Variants in UPK1B observed in about 807,000 individuals in gnomAD.
UPK1B encodes the protein uroplakin 1B.
UPK1B carries 28 observed loss-of-function variants against 34.2 expected under a neutral mutation model. The observed-to-expected ratio is 0.82, with a 90% confidence interval of 0.61 to 1.12. The LOEUF is 1.12. Among genes scored for constraint, UPK1B ranks in the 50% most tolerant of loss-of-function variants. The probability of loss-of-function intolerance (pLI) is 0.00; values close to 1 mark genes in which losing one functional copy is unlikely to be tolerated. For missense variants in UPK1B, 325 were observed against 320.9 expected, an observed-to-expected ratio of 1.01 and a Z score of -0.10; for synonymous variants, 81 against 110.4, an observed-to-expected ratio of 0.73 and a Z score of 1.67.
intron 6 of UPK1B, among the ~76,000 whole-genome samples, chr3:119,195,832 C>CAAA (rs754276624): frequency 2.6e-5 from 4 of 152,198 alleles, no homozygotes; most frequent in Non-Finnish European, 5.9e-5. Flanking sequence ...GTTATGAGGA[C>CAAA]AAACCTGAAG....
In UPK1B at chr3:119,194,360, G is replaced by C; in HGVS notation, c.610G>C (p.Ala204Pro). ...TCTTAAAGAACCTCTCAACCTGGAG[G>C]CTTGTAAACTAGGCGTGCCTGGTTT... Reference protein sequence around the residue: ...NNLKEPLNLEACKLGVPGFYH... With the variant: ...NNLKEPLNLEPCKLGVPGFYH... Residue 204 changes from alanine to proline, a missense_variant, in exon 6 of 8, where the codon GCT becomes CCT. Coordinates refer to ENST00000264234, the MANE Select transcript of UPK1B (RefSeq NM_006952.4). 1 of 1,613,496 alleles carries C rather than the reference G, an allele frequency of 6.2e-7. No homozygotes were observed. Among genetic ancestry groups the C allele is most frequent in the Non-Finnish European group, 8.5e-7 (1 of 1,179,826 alleles).
chr3:119,194,104 A>C, intron 5 of UPK1B, 115 bp from the exon 6 acceptor site: 1 of 1,010,686 alleles, frequency 9.9e-7, no homozygotes, highest in Non-Finnish European at 1.4e-6. Flanking sequence ...TTCTTAGTAA[A>C]TGTAAGATAT....
chr3:119,184,192 A>G lies in UPK1B; in HGVS notation c.-28-2522A>G, dbSNP rs2078003888. On this transcript the variant is annotated intron_variant, in intron 1 of 7. Transcript: ENST00000264234. The stretch of plus-strand genomic sequence containing the variant: ...CCTGCAATTCTCCCATAGAATATTC[A>G]TTTGCTCTTTCCCCTTTGTCTAAAC... Among the ~76,000 whole-genome samples the G allele has an allele frequency of 3.3e-5, 5 of 151,944 alleles. 1 individual carries two copies. Among genetic ancestry groups the G allele is most frequent in the Admixed American group, 3.3e-4 (5 of 15,250 alleles).
chr3:119,187,458 G>A (rs1329569936), intron 2 of UPK1B, among the ~76,000 whole-genome samples: 1 of 152,154 alleles, frequency 6.6e-6, no homozygotes, highest in African/African-American at 2.4e-5. Flanking sequence ...CCAGAAATGT[G>A]GGTCATGACA....
At chr3:119,180,472 G>A (rs532862379) in intron 1 of UPK1B, among the ~76,000 whole-genome samples, 5 of 152,136 alleles carry the variant, frequency 3.3e-5, no homozygotes, top group Non-Finnish European at 5.9e-5. Context: ...ATTAACCAGC[G>A]CAAGGTGTTC....
intron 1 of UPK1B, among the ~76,000 whole-genome samples, chr3:119,179,507 C>CTTTGTTTT (rs2077978207): frequency 1.9e-5 from 1 of 52,256 alleles, no homozygotes; most frequent in African/African-American, 7.0e-5. Context: ...ATGTTGCAGT[C>CTTTGTTTT]TTTTTTTTTT....
At chr3:119,196,418 A>T (rs1341622457) in intron 6 of UPK1B, among the ~76,000 whole-genome samples, 2 of 151,892 alleles carry the variant, frequency 1.3e-5, no homozygotes, top group African/African-American at 4.8e-5. Context: ...ACTATGTATT[A>T]TTTGATTCTA....
intron 3 of UPK1B, among the ~76,000 whole-genome samples, chr3:119,188,976 A>G (rs960718025): frequency 2.0e-5 from 3 of 152,106 alleles, no homozygotes; most frequent in Admixed American, 6.5e-5. Flanking sequence ...AAAAGTACCC[A>G]CTTTTGGTGG....
At chr3:119,195,255 A>G (rs1334185019) in intron 6 of UPK1B, among the ~76,000 whole-genome samples, 1 of 152,234 alleles carries the variant, frequency 6.6e-6, no homozygotes, top group African/African-American at 2.4e-5. Context: ...ACCTCCAGGT[A>G]CTTGTAGTCA....
intron 1 of UPK1B, among the ~76,000 whole-genome samples, chr3:119,177,495 C>G (rs2077962400): frequency 6.6e-6 from 1 of 152,192 alleles, no homozygotes; most frequent in African/African-American, 2.4e-5. Context: ...CTCACCTGTA[C>G]AAAGCCTCCA....
At chr3:119,188,790 G>A (rs188951798) in intron 3 of UPK1B, among the ~76,000 whole-genome samples, 149 of 152,282 alleles carry the variant, frequency 9.8e-4, no homozygotes, top group African/African-American at 3.4e-3. Flanking sequence ...CCCCACCCCT[G>A]AAATAACCCT....
rs1262531411 is a variant in UPK1B, at chr3:119,204,953, T to G, written c.*986T>G. The G allele has an allele frequency of 6.6e-6, 1 of 152,226 alleles. No homozygotes were observed. Among genetic ancestry groups the G allele is most frequent in the Non-Finnish European group, 1.5e-5 (1 of 68,048 alleles). 9.4% of individuals were successfully genotyped at this position (152,226 alleles called of 1,614,324 possible). A position where few individuals can be genotyped will look rare whatever the true frequency, so the allele number is the denominator to read the frequency against. On this transcript the variant is annotated 3_prime_UTR_variant, in exon 8 of 8. Coordinates refer to ENST00000264234, the MANE Select transcript of UPK1B (RefSeq NM_006952.4). ...ATATTTACTCAGTCTTTGCCCTGAATGGTCTCAGCTTGAGACCATTTCAAA... is the reference window on the plus strand; with the variant it reads ...ATATTTACTCAGTCTTTGCCCTGAAGGGTCTCAGCTTGAGACCATTTCAAA...
chr3:119,203,538 C>T (rs1213123816), intron 7 of UPK1B, among the ~76,000 whole-genome samples: 2 of 151,974 alleles, frequency 1.3e-5, no homozygotes, highest in East Asian at 3.9e-4. Context: ...CCTCAGCAAA[C>T]TAACACAGGA....
At chr3:119,193,916 G>C (rs1261280501) in intron 5 of UPK1B, among the ~76,000 whole-genome samples, 2 of 152,084 alleles carry the variant, frequency 1.3e-5, no homozygotes, top group Non-Finnish European at 2.9e-5. Context: ...AACTCTATGA[G>C]ATAGGTACTA....
chr3:119,197,927 A>G (rs572631692), intron 6 of UPK1B, among the ~76,000 whole-genome samples: 1 of 152,300 alleles, frequency 6.6e-6, no homozygotes, highest in African/African-American at 2.4e-5. Context: ...TTGGGGAGGA[A>G]AGTTCTACAA....
chr3:119,203,527 T>A lies in UPK1B; in HGVS notation c.733-390T>A, dbSNP rs538518895. Among the ~76,000 whole-genome samples, 4 of 152,148 alleles carry A rather than the reference T, an allele frequency of 2.6e-5. No homozygotes were observed. The East Asian group carries it at 5.8e-4, about 22-fold the overall frequency. ...ACATGGATGAAGCTGGAAGTCATCA[T>A]CCTCAGCAAACTAACACAGGAACAG... is the stretch of plus-strand genomic sequence containing the variant. On this transcript the variant is annotated intron_variant, in intron 7 of 7. Transcript: ENST00000264234.
At chr3:119,185,029 T>C (rs1375762312) in intron 1 of UPK1B, among the ~76,000 whole-genome samples, 1 of 152,228 alleles carries the variant, frequency 6.6e-6, no homozygotes, top group Non-Finnish European at 1.5e-5. Flanking sequence ...TTGTGCAGTC[T>C]AACACGCAAC....
At chr3:119,188,126 G>A in intron 3 of UPK1B, 151 bp downstream of exon 3, 2 of 856,836 alleles carry the variant, frequency 2.3e-6, no homozygotes. Context: ...CAGTGAAATG[G>A]TCCACATGGA....
rs558954168 is a variant in UPK1B at position 119,185,304 on chromosome 3, C to A, written c.-28-1410C>A. On this transcript the variant is annotated intron_variant, in intron 1 of 7. Transcript: ENST00000264234. ...AAGGTTGTTAATACTTACAGTGTAA[C>A]AATGAGGTTAAAATTTAGCAAGGCT... Among the ~76,000 whole-genome samples the A allele has an allele frequency of 8.5e-5, 13 of 152,330 alleles. 1 individual carries two copies. The South Asian group carries it at 2.1e-3, about 24-fold the overall frequency.
Sources: gnomAD v4.1 joint callset for allele counts (sites outside exome capture counted in the v4.1 genomes callset) on GRCh38, gnomAD v4.1.1 for gene constraint, MANE v1.5 for transcripts, NCBI Gene and HGNC (gene_info 2026-07-23, HGNC 2026-07-21) for gene names.